The following CCSER1 variants were observed in gnomAD, a reference collection of about 807,000 sequenced individuals.
The protein encoded by CCSER1 is serine-rich coiled-coil domain-containing protein 1.
CCSER1 carries 41 observed loss-of-function variants against 82.0 expected under a neutral mutation model. The ratio of observed to expected loss-of-function variants is 0.50; its 90% CI spans 0.39 to 0.65. The LOEUF is 0.65. CCSER1 is among the 30% of genes least tolerant of loss of function. The pLI is 0.00. For synonymous variants in CCSER1, 414 were observed against 383.9 expected (o/e 1.08, Z -0.92); for missense variants, 1,119 against 1,064.2 (o/e 1.05, Z -0.72).
At chr4:91,484,251 G>A (rs1758104831) in intron 10 of CCSER1, among the ~76,000 whole-genome samples, 1 of 152,030 alleles carries the variant, frequency 6.6e-6, no homozygotes. Context: ...TGTTACTCTA[G>A]AACCTTGAAC....
At chr4:90,174,659 A>G (rs1358055920) in intron 1 of CCSER1, among the ~76,000 whole-genome samples, 1 of 151,968 alleles carries the variant, frequency 6.6e-6, no homozygotes, top group Non-Finnish European at 1.5e-5. Flanking sequence ...GAATGCTGAC[A>G]TGTGCAGAGG....
At chr4:90,813,351 A>C (rs1194203440) in intron 7 of CCSER1, among the ~76,000 whole-genome samples, 2 of 152,238 alleles carry the variant, frequency 1.3e-5, no homozygotes, top group Non-Finnish European at 2.9e-5. Flanking sequence ...TGCCGATGCA[A>C]GGGATGGACT....
chr4:91,439,341 A>T (rs1292588574), intron 10 of CCSER1, among the ~76,000 whole-genome samples: 1 of 152,138 alleles, frequency 6.6e-6, no homozygotes, highest in African/African-American at 2.4e-5. Context: ...ATTCTTAAAG[A>T]AAAGAATTTT....
intron 5 of CCSER1, among the ~76,000 whole-genome samples, chr4:90,556,353 C>T (rs1400965426): frequency 1.3e-5 from 2 of 151,964 alleles, no homozygotes; most frequent in African/African-American, 4.8e-5. Context: ...AAGACCAATG[C>T]AAATATGAAT....
At chr4:90,842,485 C>T (rs1762700268) in intron 8 of CCSER1, among the ~76,000 whole-genome samples, 1 of 152,028 alleles carries the variant, frequency 6.6e-6, no homozygotes, top group Non-Finnish European at 1.5e-5. Flanking sequence ...CTGGATTATA[C>T]AGGAAACTGG....
intron 3 of CCSER1, among the ~76,000 whole-genome samples, chr4:90,339,880 A>G (rs1214165304): frequency 3.3e-5 from 5 of 151,934 alleles, no homozygotes; most frequent in Non-Finnish European, 7.4e-5. Flanking sequence ...GGAGCAAAAG[A>G]TACTTTAGAG....
intron 5 of CCSER1, among the ~76,000 whole-genome samples, chr4:90,552,701 C>T (rs1384498292): frequency 1.3e-5 from 2 of 152,162 alleles, no homozygotes; most frequent in Admixed American, 6.5e-5. Context: ...AAACAATCCA[C>T]CCAATTCAGC....
At chr4:91,585,246 CCTTT>C (rs1420709109) in intron 10 of CCSER1, among the ~76,000 whole-genome samples, 1 of 151,344 alleles carries the variant, frequency 6.6e-6, no homozygotes, top group East Asian at 1.9e-4. Context: ...GCCCAGGATG[CCTTT>C]CTGACTTTTC....
chr4:91,357,449 GGAT>G (rs1163874414), intron 10 of CCSER1, among the ~76,000 whole-genome samples: 2 of 152,022 alleles, frequency 1.3e-5, no homozygotes, highest in Non-Finnish European at 2.9e-5. Flanking sequence ...CAGAAAAACT[GGAT>G]GATATCTTTT....
chr4:90,758,170 C>G (rs556631738), intron 7 of CCSER1, among the ~76,000 whole-genome samples: 1 of 152,110 alleles, frequency 6.6e-6, no homozygotes. Flanking sequence ...ACCCTGACCC[C>G]AGGTGATCCG....
In CCSER1 at chr4:91,151,729, G is replaced by A. The variant is rs979006328; in HGVS notation, c.2217+65735G>A. On this transcript the variant is annotated intron_variant, in intron 10 of 10. Coordinates refer to ENST00000509176, the MANE Select transcript of CCSER1 (RefSeq NM_001145065.2). ...TTTGTTTCTGCCTTAATTTCTTTATGTACCCAGTAGTCATTCAAGAGCAGG... is the reference window on the plus strand; with the variant it reads ...TTTGTTTCTGCCTTAATTTCTTTATATACCCAGTAGTCATTCAAGAGCAGG... Among the ~76,000 whole-genome samples, 3 of 152,084 alleles carry A rather than the reference G, an allele frequency of 2.0e-5. No individual in the cohort carries two copies. In the East Asian group the frequency reaches 5.8e-4, roughly 29 times the overall value.
At chr4:90,324,462 T>G (rs542953837) in intron 3 of CCSER1, among the ~76,000 whole-genome samples, 2,187 of 149,354 alleles carry the variant, frequency 0.015, 23 homozygotes, top group Non-Finnish European at 0.022. Context: ...GCTGCATAAA[T>G]GTCTTCTTTT....
At chr4:90,339,530 C>T (rs981809067) in intron 3 of CCSER1, among the ~76,000 whole-genome samples, 2 of 152,138 alleles carry the variant, frequency 1.3e-5, no homozygotes, top group African/African-American at 4.8e-5. Context: ...TATTATTTTA[C>T]CTTCCTTTCG....
intron 1 of CCSER1, among the ~76,000 whole-genome samples, chr4:90,256,744 T>C (rs1723361967): frequency 6.6e-6 from 1 of 152,164 alleles, no homozygotes; most frequent in African/African-American, 2.4e-5. Context: ...TCATTTTATT[T>C]ACTGTAGTTC....
chr4:91,225,626 G>A (rs1738138467), intron 10 of CCSER1, among the ~76,000 whole-genome samples: 3 of 151,470 alleles, frequency 2.0e-5, no homozygotes, highest in Admixed American at 6.6e-5. Flanking sequence ...AACCCACAAA[G>A]GAAGGCAGAA....
At chr4:90,758,638 GT>G (rs1189539005) in intron 7 of CCSER1, among the ~76,000 whole-genome samples, 3 of 151,998 alleles carry the variant, frequency 2.0e-5, no homozygotes, top group South Asian at 2.1e-4. Context: ...ATTTTTAAGT[GT>G]TTTTTCCAAC....
intron 10 of CCSER1, among the ~76,000 whole-genome samples, chr4:91,322,333 T>A (rs1009175661): frequency 6.6e-6 from 1 of 152,124 alleles, no homozygotes; most frequent in Non-Finnish European, 1.5e-5. Context: ...TGTAAACAAT[T>A]GTAACTATCT....
In CCSER1 at chr4:91,587,172, C is replaced by A. The variant is rs570069297; in HGVS notation, c.2218-11400C>A. Reference sequence around the variant, plus strand: ...GATTTCTTAGAGAATTCATTTGGTACCTATGTTAGTATCTGCCAATTTGTC... The same window carrying A: ...GATTTCTTAGAGAATTCATTTGGTAACTATGTTAGTATCTGCCAATTTGTC... On this transcript the variant is annotated intron_variant, in intron 10 of 10. Coordinates refer to ENST00000509176, the MANE Select transcript of CCSER1 (RefSeq NM_001145065.2). 1.3e-4 allele frequency among the ~76,000 whole-genome samples: 19 copies of A among 151,728 alleles called. No individual in the cohort carries two copies. The East Asian group carries it at 3.7e-3, about 29-fold the overall frequency.
At chr4:91,532,564 G>A (rs1761089813) in intron 10 of CCSER1, among the ~76,000 whole-genome samples, 1 of 152,166 alleles carries the variant, frequency 6.6e-6, no homozygotes, top group Admixed American at 6.6e-5. Context: ...GTAATCAGTA[G>A]ACATATTTAT....
Sources: gnomAD v4.1 joint callset for allele counts (sites outside exome capture counted in the v4.1 genomes callset) on GRCh38, gnomAD v4.1.1 for gene constraint, MANE v1.5 for transcripts, NCBI Gene and HGNC (gene_info 2026-07-23, HGNC 2026-07-21) for gene names.